The following HS3ST3A1 variants were observed in gnomAD, a reference collection of about 807,000 sequenced individuals.
The protein encoded by HS3ST3A1 is heparan sulfate glucosamine 3-O-sulfotransferase 3A1.
Under a neutral mutation model 25.7 loss-of-function variants are expected in HS3ST3A1, and 19 were observed. That is an observed-to-expected ratio of 0.74 (90% CI 0.52 to 1.08). HS3ST3A1 has a LOEUF of 1.08. HS3ST3A1 is among the 50% of genes least tolerant of loss of function. HS3ST3A1 has a pLI of 0.00. For missense variants in HS3ST3A1, 459 were observed against 594.3 expected, an observed-to-expected ratio of 0.77 and a Z score of 2.37; for synonymous variants, 226 against 278.6, an observed-to-expected ratio of 0.81 and a Z score of 1.88.
At chr17:13,551,481 T>C (rs1031969396) in intron 1 of HS3ST3A1, among the ~76,000 whole-genome samples, 1 of 151,974 alleles carries the variant, frequency 6.6e-6, no homozygotes, top group Non-Finnish European at 1.5e-5. Flanking sequence ...AATTGATAGA[T>C]AAACAGTCCC....
At chr17:13,508,341 C>T (rs1202647717) in intron 1 of HS3ST3A1, among the ~76,000 whole-genome samples, 4 of 152,290 alleles carry the variant, frequency 2.6e-5, no homozygotes, top group Non-Finnish European at 2.9e-5. Context: ...GACTCTTGAT[C>T]GTTAATTTTG....
chr17:13,497,437 TAA>T (rs1307006387), intron 1 of HS3ST3A1, among the ~76,000 whole-genome samples: 2 of 152,244 alleles, frequency 1.3e-5, no homozygotes, highest in Non-Finnish European at 2.9e-5. Flanking sequence ...GGCCCAATTA[TAA>T]GTTATTATCG....
chr17:13,526,472 T>TTA (rs1236849973), intron 1 of HS3ST3A1, among the ~76,000 whole-genome samples: 1 of 58,344 alleles, frequency 1.7e-5, no homozygotes, highest in Non-Finnish European at 3.4e-5. Context: ...CAACTTTAAT[T>TTA]TTTATATATA....
intron 1 of HS3ST3A1, among the ~76,000 whole-genome samples, chr17:13,599,084 A>G (rs1474785549): frequency 6.6e-6 from 1 of 152,192 alleles, no homozygotes; most frequent in Non-Finnish European, 1.5e-5. Context: ...CCTTTGTGCT[A>G]AAAAGAAGGA....
chr17:13,550,471 G>A (rs1483771769), intron 1 of HS3ST3A1, among the ~76,000 whole-genome samples: 1 of 152,140 alleles, frequency 6.6e-6, no homozygotes, highest in Middle Eastern at 3.2e-3. Flanking sequence ...CTGCTGGAAT[G>A]GAGCTGAGCC....
intron 1 of HS3ST3A1, among the ~76,000 whole-genome samples, chr17:13,525,094 G>A (rs1469052376): frequency 6.6e-6 from 1 of 152,018 alleles, no homozygotes; most frequent in Non-Finnish European, 1.5e-5. Context: ...GAGTGTGTCT[G>A]CATACTCGCA....
intron 1 of HS3ST3A1, among the ~76,000 whole-genome samples, chr17:13,504,759 T>G (rs1014044615): frequency 6.6e-6 from 1 of 152,176 alleles, no homozygotes; most frequent in Non-Finnish European, 1.5e-5. Context: ...TTCTGTAAAT[T>G]CAGATCACAA....
rs73982026 is a variant in HS3ST3A1, at chr17:13,523,411, G to C, written c.600-26593C>G. 3.7e-3 allele frequency among the ~76,000 whole-genome samples: 566 copies of C among 152,292 alleles called. 2 individuals are homozygous for C. Among genetic ancestry groups the C allele is most frequent in the African/African-American group, 0.013 (543 of 41,558 alleles). On this transcript the variant is annotated intron_variant, in intron 1 of 1. Coordinates refer to ENST00000284110, the MANE Select transcript of HS3ST3A1 (RefSeq NM_006042.3). ...GAGCCCACATTTGGGGGAAAATTAC[G>C]AAGACAGAGGGCAGTGTCATATGGA...
At chr17:13,576,879 T>C (rs1316485710) in intron 1 of HS3ST3A1, among the ~76,000 whole-genome samples, 4 of 152,206 alleles carry the variant, frequency 2.6e-5, no homozygotes, top group Non-Finnish European at 5.9e-5. Context: ...AGACATTTGG[T>C]TGGTAGGATG....
chr17:13,540,601 G>T (rs115074096), intron 1 of HS3ST3A1, among the ~76,000 whole-genome samples: 3,068 of 152,270 alleles, frequency 0.02, 92 homozygotes, highest in African/African-American at 0.068. Context: ...CTGCATTTAC[G>T]TTGGAAGACC....
At chr17:13,570,229 A>C (rs1907767685) in intron 1 of HS3ST3A1, among the ~76,000 whole-genome samples, 1 of 147,100 alleles carries the variant, frequency 6.8e-6, no homozygotes, top group Non-Finnish European at 1.5e-5. Flanking sequence ...TGCTACCAGG[A>C]GACAAAGAAG....
intron 1 of HS3ST3A1, among the ~76,000 whole-genome samples, chr17:13,502,463 G>A (rs927735705): frequency 6.6e-6 from 1 of 152,030 alleles, no homozygotes; most frequent in African/African-American, 2.4e-5. Context: ...ACATATGCAT[G>A]GTGCATCCGA....
chr17:13,528,930 C>T lies in HS3ST3A1; in HGVS notation c.600-32112G>A, dbSNP rs11078162. ...GAACCATGTGGACGTGTGCAGTGGT[C>T]GGGGTGGGGGATGAAGCGGGGAGAT... is the stretch of plus-strand genomic sequence containing the variant. On this transcript the variant is annotated intron_variant, in intron 1 of 1. Transcript: ENST00000284110. Among the ~76,000 whole-genome samples the T allele has an allele frequency of 2.7e-5, 4 of 148,562 alleles. No homozygotes were observed. The East Asian group carries it at 6.2e-4, about 23-fold the overall frequency.
chr17:13,579,388 T>C (rs1908039159), intron 1 of HS3ST3A1, among the ~76,000 whole-genome samples: 3 of 152,152 alleles, frequency 2.0e-5, no homozygotes, highest in East Asian at 3.9e-4. Flanking sequence ...GGGGTAATGA[T>C]TACTATGAGA....
At chr17:13,575,433 A>G (rs1358749943) in intron 1 of HS3ST3A1, among the ~76,000 whole-genome samples, 1 of 152,232 alleles carries the variant, frequency 6.6e-6, no homozygotes. Context: ...AAGAAACTAT[A>G]GAGCATGAAT....
At chr17:13,600,382 G>A (rs1908686778) in intron 1 of HS3ST3A1, 149 bp downstream of exon 1, 2 of 1,347,588 alleles carry the variant, frequency 1.5e-6, no homozygotes, top group Non-Finnish European at 1.9e-6. Context: ...AGGAGAAGGC[G>A]GAGAGGGAAG....
chr17:13,576,748 G>A (rs1447120008), intron 1 of HS3ST3A1, among the ~76,000 whole-genome samples: 7 of 152,138 alleles, frequency 4.6e-5, no homozygotes, highest in Non-Finnish European at 1.0e-4. Context: ...GAGATCAAGG[G>A]ACATTCTAAA....
chr17:13,595,796 T>A (rs150004829), intron 1 of HS3ST3A1, among the ~76,000 whole-genome samples: 1 of 152,130 alleles, frequency 6.6e-6, no homozygotes, highest in African/African-American at 2.4e-5. Context: ...TGATGGTGAT[T>A]GCAATTTGCA....
Position 13,494,699 on chromosome 17 carries a change from T to G in HS3ST3A1, c.*1498A>C, listed in dbSNP as rs936855798. Among the ~76,000 whole-genome samples the G allele has an allele frequency of 6.6e-6, 1 of 152,192 alleles. No individual in the cohort carries two copies. The highest frequency in any genetic ancestry group is 1.5e-5 in the Non-Finnish European group (1 of 68,024). ...ATGTTTTATATATTTCGTGCATATG[T>G]GTTCCTCTCTAAACCAATTTAATTC... On this transcript the variant is annotated 3_prime_UTR_variant, in exon 2 of 2. Transcript: ENST00000284110.
Sources: gnomAD v4.1 joint callset for allele counts (sites outside exome capture counted in the v4.1 genomes callset) on GRCh38, gnomAD v4.1.1 for gene constraint, MANE v1.5 for transcripts, NCBI Gene and HGNC (gene_info 2026-07-23, HGNC 2026-07-21) for gene names.